The following FGF13 variants were observed in gnomAD, a reference collection of about 807,000 sequenced individuals.
FGF13 encodes fibroblast growth factor 13, also known as fibroblast growth factor homologous factor 2.
FGF13 carries 2 observed loss-of-function variants against 19.5 expected under a neutral mutation model. That is an observed-to-expected ratio of 0.10 (90% confidence interval 0.04 to 0.32). The LOEUF is 0.32. Among genes scored for constraint, FGF13 ranks in the 10% least tolerant of loss-of-function variants. The pLI, the probability that FGF13 is intolerant of heterozygous loss-of-function variation, is 1.00. For synonymous variants in FGF13, 72 were observed against 76.9 expected (o/e 0.94, Z 0.33); for missense variants, 113 against 192.7 (o/e 0.59, Z 2.45).
intron 3 of FGF13, among the ~76,000 whole-genome samples, chrX:138,841,267 C>CA (rs2091148185): frequency 9.0e-6 from 1 of 110,772 alleles, no homozygotes; most frequent in Admixed American, 9.7e-5. Flanking sequence ...CGAGTTTCAG[C>CA]AAAAATGTGA....
chrX:138,680,220 CAA>C (rs767707862), intron 3 of FGF13, among the ~76,000 whole-genome samples: 76 of 111,914 alleles, frequency 6.8e-4, no homozygotes, highest in African/African-American at 2.4e-3. Context: ...CTAAACCCAT[CAA>C]AGTCATCAGG....
intron 1 of FGF13, among the ~76,000 whole-genome samples, chrX:138,961,109 C>T (rs776413925): frequency 9.0e-6 from 1 of 111,266 alleles, no homozygotes; most frequent in African/African-American, 3.3e-5. Context: ...TTAGAATTTT[C>T]AGCTTTTCTG....
At chrX:139,194,540 CAG>C (rs779999586) in intron 1 of FGF13, among the ~76,000 whole-genome samples, 1 of 112,488 alleles carries the variant, frequency 8.9e-6, no homozygotes, top group African/African-American at 3.2e-5. Flanking sequence ...AACAAGAAGA[CAG>C]AGAAAGCAAA....
intron 3 of FGF13, among the ~76,000 whole-genome samples, chrX:138,770,421 T>C (rs1393948734): frequency 9.0e-6 from 1 of 110,769 alleles, no homozygotes; most frequent in African/African-American, 3.3e-5. Flanking sequence ...TGCGTCACCC[T>C]CAACCTAGAA....
intron 3 of FGF13, among the ~76,000 whole-genome samples, chrX:138,779,831 C>T (rs1197250208): frequency 4.4e-4 from 46 of 105,219 alleles, no homozygotes; most frequent in African/African-American, 1.4e-3. Context: ...AAGATACTCC[C>T]CGAGAAGAGC....
chrX:138,713,732 G>A (rs1470865829), upstream of FGF13, among the ~76,000 whole-genome samples: 3 of 111,974 alleles, frequency 2.7e-5, no homozygotes, highest in South Asian at 3.8e-4. Context: ...TTTTCAGGAC[G>A]CCTGTAGAAT....
rs745539028 is a variant in FGF13, at chrX:139,194,888, G to A, written c.-113+8528C>T. The stretch of plus-strand genomic sequence containing the variant: ...GGCCCGGGCCCGCGGTTCCCTTTGC[G>A]ACGCCTCCCCGTGAGTCGACTGGGC... On this transcript the variant is annotated intron_variant, in intron 1 of 2. Transcript: ENST00000421460. 3.5e-4 allele frequency among the ~76,000 whole-genome samples: 39 copies of A among 111,834 alleles called. No individual in the cohort carries two copies. The East Asian group carries it at 0.01, about 30-fold the overall frequency.
At chrX:139,037,540 T>A (rs62602204) in intron 1 of FGF13, among the ~76,000 whole-genome samples, 17,433 of 110,857 alleles carry the variant, frequency 0.16, 1,263 homozygotes, top group African/African-American at 0.28. Context: ...GCGTTAGCAG[T>A]CTGTGTTTCT....
At chrX:139,097,687 G>A (rs1022019831) in intron 1 of FGF13, among the ~76,000 whole-genome samples, 1 of 112,059 alleles carries the variant, frequency 8.9e-6, no homozygotes, top group African/African-American at 3.2e-5. Flanking sequence ...CCATTTAAAA[G>A]TCTAGAAGAA....
chrX:138,888,838 G>A (rs1350682730), intron 1 of FGF13, among the ~76,000 whole-genome samples: 3 of 111,424 alleles, frequency 2.7e-5, no homozygotes, highest in Non-Finnish European at 3.8e-5. Context: ...AAACTCTATC[G>A]TCAACCATTC....
At chrX:138,868,672 T>G (rs999475314) in intron 1 of FGF13, among the ~76,000 whole-genome samples, 2 of 111,128 alleles carry the variant, frequency 1.8e-5, no homozygotes, top group African/African-American at 6.6e-5. Flanking sequence ...GAGTGCATTC[T>G]CAGGCATTAC....
intron 3 of FGF13, among the ~76,000 whole-genome samples, chrX:138,761,204 A>C (rs1052769583): frequency 8.0e-5 from 9 of 112,015 alleles, no homozygotes; most frequent in African/African-American, 2.9e-4. Flanking sequence ...AAGGCCTTTG[A>C]CGATACTTTT....
intron 3 of FGF13, among the ~76,000 whole-genome samples, chrX:138,784,122 A>G (rs1453338730): frequency 1.1e-5 from 1 of 89,596 alleles, no homozygotes; most frequent in Non-Finnish European, 2.1e-5. Context: ...CAATGAGATC[A>G]CATGGACACA....
intron 1 of FGF13, among the ~76,000 whole-genome samples, chrX:139,117,257 G>A (rs1211867510): frequency 1.8e-5 from 2 of 111,137 alleles, no homozygotes; most frequent in East Asian, 5.7e-4. Flanking sequence ...GTTGGTAGAG[G>A]CCAGGATTAC....
chrX:138,656,220 T>C (rs2089436011), intron 3 of FGF13, among the ~76,000 whole-genome samples: 2 of 111,671 alleles, frequency 1.8e-5, no homozygotes, highest in African/African-American at 3.3e-5. Flanking sequence ...AGCTGCTGTT[T>C]AGTAAGAGCA....
chrX:139,021,584 G>A (rs2092178462), intron 1 of FGF13, among the ~76,000 whole-genome samples: 1 of 111,004 alleles, frequency 9.0e-6, no homozygotes, highest in African/African-American at 3.3e-5. Flanking sequence ...CCAGTAATTA[G>A]AGAATACACA....
chrX:139,095,900 G>A (rs2083467408), intron 1 of FGF13, among the ~76,000 whole-genome samples: 1 of 111,736 alleles, frequency 8.9e-6, no homozygotes, highest in African/African-American at 3.3e-5. Flanking sequence ...GGCCTCCTCT[G>A]CTTTCCAAGA....
At chrX:139,096,828 A>C (rs2083473664) in intron 1 of FGF13, among the ~76,000 whole-genome samples, 1 of 112,103 alleles carries the variant, frequency 8.9e-6, no homozygotes, top group South Asian at 3.7e-4. Context: ...TAATTGACTC[A>C]AGAACATTCT....
At chrX:138,958,443 G>A (rs1305523483) in intron 1 of FGF13, among the ~76,000 whole-genome samples, 2 of 111,642 alleles carry the variant, frequency 1.8e-5, no homozygotes, top group Non-Finnish European at 3.8e-5. Context: ...TTTTATTGAG[G>A]ATTTTTGCAT....
Sources: allele counts gnomAD v4.1 joint callset (sites outside exome capture counted in the v4.1 genomes callset), GRCh38; gene constraint gnomAD v4.1.1; transcripts MANE v1.5; gene names NCBI Gene and HGNC (gene_info 2026-07-23, HGNC 2026-07-21).